Variants in NUBP1 observed in about 807,000 individuals in gnomAD.
The protein encoded by NUBP1 is cytosolic Fe-S cluster assembly factor NUBP1.
Under a neutral mutation model 41.8 loss-of-function variants are expected in NUBP1, and 46 were observed. The ratio of observed to expected loss-of-function variants is 1.10; its 90% CI spans 0.87 to 1.41. The LOEUF (loss-of-function observed/expected upper bound fraction) is 1.41, where lower values mean the gene tolerates loss of function less well. NUBP1 is among the 40% of genes most tolerant of loss of function. The probability of loss-of-function intolerance (pLI) is 0.00; values close to 1 mark genes in which losing one functional copy is unlikely to be tolerated. For missense variants in NUBP1, 494 were observed against 414.0 expected, an observed-to-expected ratio of 1.19 and a Z score of -1.68; for synonymous variants, 189 against 154.6, an observed-to-expected ratio of 1.22 and a Z score of -1.65.
At chr16:10,758,151 T>A in intron 7 of NUBP1, 124 bp downstream of exon 7, 1 of 1,112,242 alleles carries the variant, frequency 9.0e-7, no homozygotes, top group Non-Finnish European at 1.3e-6. Context: ...CGCAGCTGCA[T>A]CTGATGTGGG....
rs1360767212 is a variant in NUBP1 at position 10,767,966 on chromosome 16, G to A, written c.838G>A (p.Gly280Ser). 2 of 1,614,174 alleles carry A rather than the reference G, an allele frequency of 1.2e-6. No individual in the cohort carries two copies. Among genetic ancestry groups the A allele is most frequent in the Non-Finnish European group, 1.7e-6 (2 of 1,180,026 alleles). Residue 280 changes from glycine (G) to serine (S), a missense_variant, in exon 10 of 11, where the codon GGC (glycine) becomes AGC (serine). By Grantham distance (56) the Gly-to-Ser change is moderately conservative. Coordinates refer to ENST00000283027, the MANE Select transcript of NUBP1 (RefSeq NM_002484.4). This position sits in a 1 kb window ranked among gnomAD's most constrained non-coding sequence, Gnocchi z 4.6. ...DPLIGKNCDKGQSFFIDAPDS... is the reference protein window; with the variant it reads ...DPLIGKNCDKSQSFFIDAPDS... ...TTTTTAAGGTAAGAATTGTGACAAA[G>A]GCCAGTCTTTTTTCATTGACGCCCC...
chr16:10,746,030 G>A (rs1180754482), intron 2 of NUBP1, among the ~76,000 whole-genome samples: 1 of 152,240 alleles, frequency 6.6e-6, no homozygotes, highest in East Asian at 1.9e-4. Context: ...GGAGCAACTT[G>A]TGAGGGCAGT....
intron 7 of NUBP1, among the ~76,000 whole-genome samples, chr16:10,758,524 A>C (rs1900726258): frequency 6.6e-6 from 1 of 152,200 alleles, no homozygotes; most frequent in South Asian, 2.1e-4. Flanking sequence ...TTTGCAGCTG[A>C]CAACCATTCA....
In NUBP1 at chr16:10,768,840, G is replaced by T. The variant is rs145440470; in HGVS notation, c.905-207G>T. 413 of 526,006 alleles carry T rather than the reference G, an allele frequency of 7.9e-4. 5 individuals carry two copies. In the East Asian group the frequency reaches 9.9e-3, roughly 13 times the overall value. 32.6% of individuals were successfully genotyped at this position (526,006 alleles called of 1,614,324 possible). ...TCCATCTATAGATGGTCCGAGGAAG[G>T]CCGCAGCCACTGGTTATGAGCAAGA... is the stretch of plus-strand genomic sequence containing the variant. On this transcript the variant is annotated intron_variant, in intron 10 of 10. Coordinates refer to ENST00000283027, the MANE Select transcript of NUBP1 (RefSeq NM_002484.4). This position sits in a 1 kb window ranked among gnomAD's most constrained non-coding sequence, Gnocchi z 4.3.
rs1402423658 is a variant in NUBP1, at chr16:10,755,716, CACAGGTTCACCAG to C, written c.328-3_337del. 1 of 1,614,080 alleles carries C rather than the reference CACAGGTTCACCAG, an allele frequency of 6.2e-7. No homozygotes were observed. Among genetic ancestry groups the C allele is most frequent in the Non-Finnish European group, 8.5e-7 (1 of 1,179,926 alleles). ...TAATGAACATCGGTGCTCATGTTCA[CACAGGTTCACCAG>C]AGTGGCTCAGGCTGGTCTCCAGTGG... On this transcript the variant is annotated splice_acceptor_variant and splice_polypyrimidine_tract_variant and coding_sequence_variant and intron_variant, in exon 5 of 11. Transcript: ENST00000283027. LOFTEE classifies it high-confidence loss of function.
intron 4 of NUBP1, 95 bp downstream of exon 4, chr16:10,752,773 C>T: frequency 9.7e-7 from 1 of 1,034,096 alleles, no homozygotes; most frequent in East Asian, 2.5e-5. Context: ...ATGCGGAGCC[C>T]ATAAATGTTT....
chr16:10,769,186 C>T lies in NUBP1; in HGVS notation c.*81C>T, dbSNP rs1185245857. 1.4e-5 allele frequency: 19 copies of T among 1,332,160 alleles called. No homozygotes were observed. Among genetic ancestry groups the T allele is most frequent in the Admixed American group, 1.7e-5 (1 of 57,956 alleles). The allele number at this position is 1,332,160 out of a possible 1,614,324, so 82.5% of individuals were successfully genotyped here. On this transcript the variant is annotated 3_prime_UTR_variant, in exon 11 of 11. Transcript: ENST00000283027. Reference sequence around the variant, plus strand: ...ACATCCAGCCAGACCCGACCAGCTCCGGGATGGGGTGGGTCACAGCAAAAG... The same window carrying T: ...ACATCCAGCCAGACCCGACCAGCTCTGGGATGGGGTGGGTCACAGCAAAAG...
Position 10,759,498 on chromosome 16 carries a change from G to A in NUBP1, c.606+1471G>A, listed in dbSNP as rs1258540941. On this transcript the variant is annotated intron_variant, in intron 7 of 10. Transcript: ENST00000283027. This position sits in a 1 kb window ranked among gnomAD's most constrained non-coding sequence, Gnocchi z 4.7. Reference sequence around the variant, plus strand: ...ATTTTTAAAAAGTGGTTGGTGCTGGGCACACTGGCTCATGTCTGTAATCCC... The same window carrying A: ...ATTTTTAAAAAGTGGTTGGTGCTGGACACACTGGCTCATGTCTGTAATCCC... Among the ~76,000 whole-genome samples the A allele has an allele frequency of 2.0e-5, 3 of 152,190 alleles. No homozygotes were observed. Among genetic ancestry groups the A allele is most frequent in the East Asian group, 1.9e-4 (1 of 5,198 alleles).
At chr16:10,744,174 A>T in intron 2 of NUBP1, 109 bp downstream of exon 2, 1 of 1,102,062 alleles carries the variant, frequency 9.1e-7, no homozygotes. Flanking sequence ...GCGGCAGGCT[A>T]GAAGGTATTG....
intron 2 of NUBP1, among the ~76,000 whole-genome samples, chr16:10,746,823 C>T (rs1252917683): frequency 1.3e-5 from 2 of 152,202 alleles, no homozygotes; most frequent in African/African-American, 4.8e-5. Flanking sequence ...GTGACCATTG[C>T]TGTTTGCAAA....
chr16:10,761,329 T>C, intron 7 of NUBP1, 35 bp from the exon 8 acceptor site: 1 of 1,596,590 alleles, frequency 6.3e-7, no homozygotes, highest in Non-Finnish European at 8.6e-7. Context: ...TCTCGCACTT[T>C]GATGCTGGAA....
At position 10,761,436 on chromosome 16, in the gene NUBP1, G is replaced by C; in HGVS notation, c.679G>C (p.Val227Leu). ...GGTGAAGCTGCCCATCATCGGGGTG[G>C]TGGAGAACATGAGTGGCTTCATCTG... The part of the protein sequence containing the change: ...RKVKLPIIGV[V>L]ENMSGFICPK... The change falls in exon 8 of 11, where the codon GTG (valine) becomes CTG (leucine). Residue 227 changes from valine to leucine, a missense_variant. Physicochemically the swap from Val to Leu is conservative, Grantham distance 32. Transcript: ENST00000283027. 6.2e-7 allele frequency: 1 copy of C among 1,614,174 alleles called. No homozygotes were observed. The highest frequency in any genetic ancestry group is 8.5e-7 in the Non-Finnish European group (1 of 1,180,014).
At position 10,769,214 on chromosome 16, in the gene NUBP1, C is replaced by T. The variant is rs1467582828; in HGVS notation, c.*109C>T. On this transcript the variant is annotated 3_prime_UTR_variant, in exon 11 of 11. Transcript: ENST00000283027. ...GATGGGGTGGGTCACAGCAAAAGGA[C>T]CAGATGCTGGTGTGGTCCGAAGCCA... 19 of 921,662 alleles carry T rather than the reference C, an allele frequency of 2.1e-5. No homozygotes were observed. The highest frequency in any genetic ancestry group is 1.6e-4 in the Admixed American group (8 of 49,852). The allele number at this position is 921,662 out of a possible 1,614,324, so 57.1% of individuals were successfully genotyped here.
intron 2 of NUBP1, 110 bp from the exon 3 acceptor site, chr16:10,747,033 C>A: frequency 1.5e-6 from 2 of 1,311,308 alleles, no homozygotes; most frequent in Non-Finnish European, 2.1e-6. Context: ...TTTTAAACAG[C>A]CCCAGGACTA....
At chr16:10,758,096 GCT>G in intron 7 of NUBP1, 69 bp downstream of exon 7, 2 of 1,551,076 alleles carry the variant, frequency 1.3e-6, no homozygotes, top group South Asian at 1.1e-5. Flanking sequence ...TTCCTACCTG[GCT>G]CTGATACTCT....
intron 5 of NUBP1, 89 bp downstream of exon 5, chr16:10,755,842 T>C (rs1467711593): frequency 1.6e-6 from 2 of 1,245,764 alleles, no homozygotes; most frequent in African/African-American, 3.0e-5. Flanking sequence ...CATAGGTATT[T>C]ATTAGGGTAC....
Position 10,759,832 on chromosome 16 carries a change from A to T in NUBP1, c.607-1532A>T, listed in dbSNP as rs973854770. Among the ~76,000 whole-genome samples the T allele has an allele frequency of 1.3e-5, 2 of 152,196 alleles. No homozygotes were observed. Among genetic ancestry groups the T allele is most frequent in the African/African-American group, 4.8e-5 (2 of 41,456 alleles). Reference sequence around the variant, plus strand: ...TCGCAGCCCATTGACTTTCTAGCTGAGCGCCCCTTCCTCCGCATCCCAGCC... The same window carrying T: ...TCGCAGCCCATTGACTTTCTAGCTGTGCGCCCCTTCCTCCGCATCCCAGCC... On this transcript the variant is annotated intron_variant, in intron 7 of 10. Transcript: ENST00000283027. This position sits in a 1 kb window ranked among gnomAD's most constrained non-coding sequence, Gnocchi z 4.7.
At chr16:10,748,964 G>C (rs1037851522) in intron 3 of NUBP1, among the ~76,000 whole-genome samples, 1 of 151,888 alleles carries the variant, frequency 6.6e-6, no homozygotes, top group African/African-American at 2.4e-5. Flanking sequence ...GGTGGTACGT[G>C]CCTGTAGTCT....
chr16:10,761,571 G>A (rs1277458363), intron 8 of NUBP1, 97 bp downstream of exon 8: 2 of 1,140,420 alleles, frequency 1.8e-6, no homozygotes, highest in Admixed American at 2.2e-5. Context: ...TGCTTTCCCT[G>A]TCATTTTGGG....
Sources: gnomAD v4.1 joint callset for allele counts (sites outside exome capture counted in the v4.1 genomes callset) on GRCh38, gnomAD v4.1.1 for gene constraint, Gnocchi (gnomAD v3.1) non-coding constraint, MANE v1.5 for transcripts, NCBI Gene and HGNC (gene_info 2026-07-23, HGNC 2026-07-21) for gene names.